Variants in PREPL observed in about 807,000 individuals in gnomAD.
PREPL encodes the protein prolyl endopeptidase-like.
PREPL carries 77 observed loss-of-function variants against 70.6 expected under a neutral mutation model. The ratio of observed to expected loss-of-function variants is 1.09; its 90% confidence interval spans 0.91 to 1.32. The LOEUF is 1.32. Among genes scored for constraint, PREPL ranks in the 40% most tolerant of loss-of-function variants. The pLI, the probability that PREPL is intolerant of heterozygous loss-of-function variation, is 0.00. For synonymous variants in PREPL, 315 were observed against 264.8 expected, an observed-to-expected ratio of 1.19 and a Z score of -1.84; for missense variants, 1,002 against 778.2, an observed-to-expected ratio of 1.29 and a Z score of -3.42.
intron 5 of PREPL, 43 bp from the exon 6 acceptor site, chr2:44,339,406 A>G (rs761321365): frequency 1.9e-6 from 3 of 1,602,394 alleles, no homozygotes; most frequent in Non-Finnish European, 2.6e-6. Context: ...TTTATTTCAG[A>G]TGCATGCTAC....
chr2:44,330,515 G>A (rs1234195070), intron 8 of PREPL, among the ~76,000 whole-genome samples: 2 of 152,140 alleles, frequency 1.3e-5, no homozygotes, highest in African/African-American at 4.8e-5. Flanking sequence ...TTTCTAAGAG[G>A]TGCAGCAAGC....
At chr2:44,321,649 AAG>A (rs1439394907) in intron 13 of PREPL, 176 bp downstream of exon 13, 3 of 1,516,578 alleles carry the variant, frequency 2.0e-6, no homozygotes, top group Non-Finnish European at 2.6e-6. Flanking sequence ...TATCAAGTAC[AAG>A]AGAGAGACAT....
intron 10 of PREPL, among the ~76,000 whole-genome samples, chr2:44,325,916 A>G (rs1673444880): frequency 6.6e-6 from 1 of 152,250 alleles, no homozygotes. Flanking sequence ...AAAGATAATC[A>G]TTTTCAGAAC....
In PREPL at chr2:44,339,155, C is replaced by T. The variant is rs749766335; in HGVS notation, c.694G>A (p.Glu232Lys). 1.2e-6 allele frequency: 2 copies of T among 1,613,922 alleles called. No individual in the cohort carries two copies. The highest frequency in any genetic ancestry group is 3.3e-5 in the Admixed American group (2 of 59,996). Residue 232 changes from glutamate to lysine, a missense_variant, in exon 6 of 14, where the codon GAA (glutamate) becomes AAA (lysine). Transcript: ENST00000409411. ...YILTNVGEPT[E>K]FKLMRTAADT... ...CGAGCATCCAGGATTACCTTAAATT[C>T]TGTAGGTTCTCCAACATTAGTGAGA...
chr2:44,323,804 G>A (rs935316080), intron 10 of PREPL, among the ~76,000 whole-genome samples: 2 of 152,102 alleles, frequency 1.3e-5, no homozygotes, highest in Non-Finnish European at 2.9e-5. Context: ...TGGAGAAACC[G>A]GAATCCTGAT....
At chr2:44,361,349 G>T (rs1214427081) in intron 1 of PREPL, 31 bp downstream of exon 1, 1 of 152,368 alleles carries the variant, frequency 6.6e-6, no homozygotes, top group Non-Finnish European at 1.5e-5. Context: ...AAGGGGAGAA[G>T]GAAAGAGACC....
intron 13 of PREPL, 134 bp from the exon 14 acceptor site, chr2:44,321,579 G>C (rs1247356139): frequency 6.7e-7 from 1 of 1,493,998 alleles, no homozygotes; most frequent in Non-Finnish European, 8.9e-7. Flanking sequence ...TTTCATTCGA[G>C]AGAGAGGCAG....
chr2:44,337,272 C>A (rs1674733817), intron 7 of PREPL, among the ~76,000 whole-genome samples: 1 of 152,172 alleles, frequency 6.6e-6, no homozygotes, highest in Non-Finnish European at 1.5e-5. Context: ...TCACATTCAA[C>A]CAACTTTACC....
chr2:44,332,710 T>A, intron 7 of PREPL, 54 bp from the exon 8 acceptor site: 1 of 1,391,098 alleles, frequency 7.2e-7, no homozygotes, highest in Non-Finnish European at 9.8e-7. Flanking sequence ...CAAGTATCAT[T>A]AATTAAATTT....
chr2:44,332,460 T>A lies in PREPL; in HGVS notation c.1085A>T (p.Lys362Met), dbSNP rs1224756167. 6.2e-7 allele frequency: 1 copy of A among 1,611,084 alleles called. No homozygotes were observed. The highest frequency in any genetic ancestry group is 8.5e-7 in the Non-Finnish European group (1 of 1,177,270). The change falls in exon 8 of 14, where the codon AAG (lysine) becomes ATG (methionine). Residue 362 changes from lysine to methionine, a missense_variant and splice_region_variant. Transcript: ENST00000409411. ...GAAAGTGAAGATTATAAGACCTACC[T>A]TGCTTTTGGCTTCTAGACGTAAAAC... ...SRVLRLEAKS[K>M]DGKLVPMTVF... is the part of the protein sequence containing the mutation.
chr2:44,319,212 CACAATAACAACT>C lies in PREPL; in HGVS notation c.*2132_*2143del, dbSNP rs1254425097. 1.3e-5 allele frequency: 2 copies of C among 152,520 alleles called. No individual in the cohort carries two copies. The highest frequency in any genetic ancestry group is 2.9e-5 in the Non-Finnish European group (2 of 68,004). 9.4% of individuals were successfully genotyped at this position (152,520 alleles called of 1,614,324 possible). A position where few individuals can be genotyped will look rare whatever the true frequency, so the allele number is the denominator to read the frequency against. On this transcript the variant is annotated 3_prime_UTR_variant, in exon 14 of 14. Coordinates refer to ENST00000409411, the MANE Select transcript of PREPL (RefSeq NM_001171613.2). ...CCTACCCCTAAAGAACAATAACAAC[CACAATAACAACT>C]ATCACCCCAGTAAACATGGCTGGCA... is the stretch of plus-strand genomic sequence containing the variant.
chr2:44,334,569 G>A (rs947180491), intron 7 of PREPL, among the ~76,000 whole-genome samples: 1 of 152,044 alleles, frequency 6.6e-6, no homozygotes, highest in Non-Finnish European at 1.5e-5. Flanking sequence ...ATTTAGAGAC[G>A]GAGTCTTGCT....
At chr2:44,323,948 C>G (rs1673236657) in intron 10 of PREPL, among the ~76,000 whole-genome samples, 1 of 152,172 alleles carries the variant, frequency 6.6e-6, no homozygotes. Flanking sequence ...AAACTGAAAG[C>G]AGGGTCTTAA....
intron 1 of PREPL, among the ~76,000 whole-genome samples, chr2:44,357,380 A>C (rs1290388865): frequency 6.6e-6 from 1 of 152,212 alleles, no homozygotes; most frequent in Non-Finnish European, 1.5e-5. Flanking sequence ...ATTCTTCTCT[A>C]CAGGTGTTTT....
intron 10 of PREPL, 111 bp downstream of exon 10, chr2:44,326,601 C>G: frequency 8.8e-7 from 1 of 1,132,454 alleles, no homozygotes; most frequent in Non-Finnish European, 1.3e-6. Flanking sequence ...TCCCGAAGTG[C>G]TGGGATTACA....
At position 44,327,198 on chromosome 2, in the gene PREPL, T is replaced by C. The variant is rs182652889; in HGVS notation, c.1263-270A>G. On this transcript the variant is annotated intron_variant, in intron 9 of 13. Transcript: ENST00000409411. ...CCAGAATTGATTCAACGAATATATT[T>C]TGAGTGCCTGCCCATTTATCAGGGA... Among the ~76,000 whole-genome samples the C allele has an allele frequency of 4.2e-3, 639 of 152,300 alleles. 2 individuals are homozygous for C. Among genetic ancestry groups the C allele is most frequent in the African/African-American group, 0.01 (427 of 41,554 alleles).
At chr2:44,333,858 C>A (rs996050223) in intron 7 of PREPL, among the ~76,000 whole-genome samples, 1 of 152,124 alleles carries the variant, frequency 6.6e-6, no homozygotes, top group Admixed American at 6.5e-5. Context: ...AGCACTGCTA[C>A]AAACCTCATA....
At chr2:44,322,925 A>G in intron 11 of PREPL, 71 bp from the exon 12 acceptor site, 4 of 1,540,588 alleles carry the variant, frequency 2.6e-6, no homozygotes, top group Non-Finnish European at 2.6e-6. Flanking sequence ...GAGACTATGA[A>G]AAATAATTAC....
At chr2:44,335,024 A>G (rs1674495194) in intron 7 of PREPL, among the ~76,000 whole-genome samples, 1 of 152,236 alleles carries the variant, frequency 6.6e-6, no homozygotes, top group Non-Finnish European at 1.5e-5. Context: ...GCTCATAAAA[A>G]GGGTCTGATC....
Sources: gnomAD v4.1 joint callset for allele counts (sites outside exome capture counted in the v4.1 genomes callset) on GRCh38, gnomAD v4.1.1 for gene constraint, MANE v1.5 for transcripts, NCBI Gene and HGNC (gene_info 2026-07-23, HGNC 2026-07-21) for gene names.